ANO6: variants seen among roughly 807,000 people sequenced by gnomAD.
The protein encoded by ANO6 is anoctamin 6.
A neutral mutation model predicts 117.5 loss-of-function variants in ANO6; 106 were observed. That is an observed-to-expected ratio of 0.90 (90% CI 0.77 to 1.06). The LOEUF (loss-of-function observed/expected upper bound fraction) is 1.06, where lower values mean the gene tolerates loss of function less well. Ranked by LOEUF, ANO6 falls within the 50% of genes least tolerant of loss-of-function variation. The probability of loss-of-function intolerance (pLI) is 0.00; values close to 1 mark genes in which losing one functional copy is unlikely to be tolerated. For missense variants in ANO6, 955 were observed against 1,121.1 expected (o/e 0.85, Z 2.12); for synonymous variants, 367 against 385.1 (o/e 0.95, Z 0.55).
chr12:45,275,389 T>C (rs1938523185), intron 1 of ANO6, among the ~76,000 whole-genome samples: 1 of 152,044 alleles, frequency 6.6e-6, no homozygotes, highest in African/African-American at 2.4e-5. Context: ...TTTGTATTTT[T>C]AGTAGAGATG....
At chr12:45,353,282 T>C (rs746701402) in intron 7 of ANO6, among the ~76,000 whole-genome samples, 1 of 152,012 alleles carries the variant, frequency 6.6e-6, no homozygotes, top group Non-Finnish European at 1.5e-5. Flanking sequence ...ATTACAGTCA[T>C]GAAGAGGCAC....
chr12:45,322,347 AAGGAGT>A (rs961375751), intron 2 of ANO6, among the ~76,000 whole-genome samples: 1 of 152,076 alleles, frequency 6.6e-6, no homozygotes, highest in Non-Finnish European at 1.5e-5. Flanking sequence ...CATGGGAGCA[AAGGAGT>A]AGAGAGAGGA....
intron 19 of ANO6, among the ~76,000 whole-genome samples, chr12:45,437,628 G>A (rs972238668): frequency 1.3e-5 from 2 of 151,990 alleles, no homozygotes; most frequent in African/African-American, 2.4e-5. Context: ...GGAGAGCAGC[G>A]GCGCAATCTC....
intron 3 of ANO6, among the ~76,000 whole-genome samples, chr12:45,333,405 T>C (rs1940732166): frequency 6.6e-6 from 1 of 152,028 alleles, no homozygotes; most frequent in Non-Finnish European, 1.5e-5. Flanking sequence ...TGCCAATGGA[T>C]CTGGATTGAG....
At chr12:45,343,612 T>C (rs1034057699) in intron 3 of ANO6, among the ~76,000 whole-genome samples, 1 of 152,222 alleles carries the variant, frequency 6.6e-6, no homozygotes, top group African/African-American at 2.4e-5. Context: ...TACTTACCAG[T>C]ATCATAAATG....
Position 45,376,179 on chromosome 12 carries a change from A to G in ANO6, c.1105-1874A>G, listed in dbSNP as rs1217697063. Among the ~76,000 whole-genome samples, 123 of 148,690 alleles carry G rather than the reference A, an allele frequency of 8.3e-4. No individual in the cohort carries two copies. The Middle Eastern group carries it at 0.01, about 13-fold the overall frequency. ...GCCATCTCACACCAGTTAGAATGGCAATCATTAAAAAGTCAGGAAACAACA... is the reference window on the plus strand; with the variant it reads ...GCCATCTCACACCAGTTAGAATGGCGATCATTAAAAAGTCAGGAAACAACA... On this transcript the variant is annotated intron_variant, in intron 9 of 19. Transcript: ENST00000320560.
chr12:45,276,637 C>G (rs756089366), intron 1 of ANO6, among the ~76,000 whole-genome samples: 1 of 152,056 alleles, frequency 6.6e-6, no homozygotes, highest in Non-Finnish European at 1.5e-5. Flanking sequence ...TTGTTTATTT[C>G]CTTCATATCT....
chr12:45,369,298 T>G (rs1941763249), intron 9 of ANO6, among the ~76,000 whole-genome samples: 1 of 152,216 alleles, frequency 6.6e-6, no homozygotes, highest in Non-Finnish European at 1.5e-5. Context: ...TAGTTAGCTG[T>G]ACCCTGAAGC....
In ANO6 at chr12:45,388,313, G is replaced by A. The variant is rs748964132; in HGVS notation, c.1308+10G>A. On this transcript the variant is annotated intron_variant, in intron 11 of 19. Coordinates refer to ENST00000320560, the MANE Select transcript of ANO6 (RefSeq NM_001025356.3). ...AAATGAGATTACTCAGGTAAGCAGG[G>A]TCGTATTTAGGTGCAGTTTAATCTA... The A allele has an allele frequency of 6.2e-7, 1 of 1,613,848 alleles. No homozygotes were observed. Among genetic ancestry groups the A allele is most frequent in the Admixed American group, 1.7e-5 (1 of 60,012 alleles).
At chr12:45,390,977 C>T (rs1275287143) in intron 12 of ANO6, among the ~76,000 whole-genome samples, 1 of 151,956 alleles carries the variant, frequency 6.6e-6, no homozygotes, top group Non-Finnish European at 1.5e-5. Context: ...AAAAATTAGC[C>T]AGGCAAGGTG....
Position 45,348,325 on chromosome 12 carries a change from A to C in ANO6, c.633+10A>C. 6.2e-7 allele frequency: 1 copy of C among 1,614,024 alleles called. No homozygotes were observed. The highest frequency in any genetic ancestry group is 8.5e-7 in the Non-Finnish European group (1 of 1,179,942). Reference sequence around the variant, plus strand: ...CACCAGAAGCCGCATTGTAAGTCTAAACCAAATTTAGTTGCTGTCTTGGGG... The same window carrying C: ...CACCAGAAGCCGCATTGTAAGTCTACACCAAATTTAGTTGCTGTCTTGGGG... On this transcript the variant is annotated intron_variant, in intron 5 of 19. Coordinates refer to ENST00000320560, the MANE Select transcript of ANO6 (RefSeq NM_001025356.3).
At chr12:45,302,153 T>C in intron 2 of ANO6, 60 bp downstream of exon 2, 2 of 1,518,084 alleles carry the variant, frequency 1.3e-6, no homozygotes, top group Non-Finnish European at 1.8e-6. Context: ...TTTCACAAAA[T>C]GAGAAAAAAG....
chr12:45,289,170 CTTTTTTT>C (rs11410863), intron 1 of ANO6, among the ~76,000 whole-genome samples: 1 of 135,710 alleles, frequency 7.4e-6, no homozygotes, highest in Non-Finnish European at 1.6e-5. Flanking sequence ...ATTATTATTA[CTTTTTTT>C]TTTTTTTTGG....
intron 3 of ANO6, among the ~76,000 whole-genome samples, chr12:45,336,673 C>T (rs577516601): frequency 3.9e-4 from 60 of 152,078 alleles, no homozygotes; most frequent in Non-Finnish European, 6.3e-4. Context: ...TAGTACCGAA[C>T]GCTTGTTAAT....
At chr12:45,352,369 A>G (rs929652463) in intron 7 of ANO6, among the ~76,000 whole-genome samples, 1 of 151,946 alleles carries the variant, frequency 6.6e-6, no homozygotes, top group Non-Finnish European at 1.5e-5. Flanking sequence ...TCCAAATGTC[A>G]CGTCGTTTCA....
At chr12:45,252,916 A>C (rs527610772) in intron 1 of ANO6, among the ~76,000 whole-genome samples, 16 of 152,326 alleles carry the variant, frequency 1.1e-4, no homozygotes, top group Middle Eastern at 3.4e-3. Flanking sequence ...AGATTTGTGG[A>C]AACCTTCACA....
chr12:45,332,324 A>T (rs145976083), intron 3 of ANO6, among the ~76,000 whole-genome samples: 3 of 151,886 alleles, frequency 2.0e-5, no homozygotes, highest in African/African-American at 7.2e-5. Flanking sequence ...ACACACACAC[A>T]CACACACAAA....
intron 8 of ANO6, among the ~76,000 whole-genome samples, chr12:45,358,051 A>G (rs1360288351): frequency 6.6e-6 from 1 of 152,216 alleles, no homozygotes; most frequent in Non-Finnish European, 1.5e-5. Context: ...CACCATCACT[A>G]TTCTGAATGG....
intron 16 of ANO6, among the ~76,000 whole-genome samples, chr12:45,412,763 C>T (rs1943118337): frequency 6.6e-6 from 1 of 152,238 alleles, no homozygotes; most frequent in Admixed American, 6.5e-5. Flanking sequence ...GCCAAACACT[C>T]TCAGTTGCTG....
Sources: allele counts gnomAD v4.1 joint callset (sites outside exome capture counted in the v4.1 genomes callset), GRCh38; gene constraint gnomAD v4.1.1; transcripts MANE v1.5; gene names NCBI Gene and HGNC (gene_info 2026-07-23, HGNC 2026-07-21).